TSC1: variants seen among roughly 807,000 people sequenced by gnomAD.
TSC1 encodes the protein TSC complex subunit 1.
Under a neutral mutation model 124.3 loss-of-function variants are expected in TSC1, and 20 were observed. The observed-to-expected ratio is 0.16, with a 90% CI of 0.11 to 0.23. The LOEUF (loss-of-function observed/expected upper bound fraction) is 0.23. TSC1 is among the 10% of genes least tolerant of loss of function. The pLI is 1.00. For synonymous variants in TSC1, 493 were observed against 539.1 expected (o/e 0.91, Z 1.19); for missense variants, 1,124 against 1,448.5 (o/e 0.78, Z 3.64).
chr9:132,940,533 T>C (rs74796888), intron 1 of TSC1, among the ~76,000 whole-genome samples: 2,135 of 152,314 alleles, frequency 0.014, 20 homozygotes, highest in Non-Finnish European at 0.022. Flanking sequence ...GGTCAGCAGA[T>C]GAAGCAGTTT....
chr9:132,921,694 G>T lies in TSC1; in HGVS notation c.663+125C>A. The stretch of plus-strand genomic sequence containing the variant: ...GATTAGTGGCTGCCTAGGGATTGGA[G>T]TGGCGAGGAAGAAAACTGAATTTCT... On this transcript the variant is annotated intron_variant, in intron 7 of 22. Transcript: ENST00000298552. This position sits in a 1 kb window ranked among gnomAD's most constrained non-coding sequence, Gnocchi z 4.3. The T allele has an allele frequency of 7.7e-7, 1 of 1,304,608 alleles. No individual in the cohort carries two copies. The highest frequency in any genetic ancestry group is 1.1e-6 in the Non-Finnish European group (1 of 911,774). 80.8% of individuals were successfully genotyped at this position (1,304,608 alleles called of 1,614,324 possible).
In TSC1 at chr9:132,921,682, C is replaced by G. The variant is rs1301990647; in HGVS notation, c.663+137G>C. ...AGACAGAAAACAGATTAGTGGCTGCCTAGGGATTGGAGTGGCGAGGAAGAA... is the reference window on the plus strand; with the variant it reads ...AGACAGAAAACAGATTAGTGGCTGCGTAGGGATTGGAGTGGCGAGGAAGAA... On this transcript the variant is annotated intron_variant, in intron 7 of 22. Transcript: ENST00000298552. This position sits in a 1 kb window ranked among gnomAD's most constrained non-coding sequence, Gnocchi z 4.3. 30 of 1,199,146 alleles carry G rather than the reference C, an allele frequency of 2.5e-5. No individual in the cohort carries two copies. Among genetic ancestry groups the G allele is most frequent in the Non-Finnish European group, 3.5e-5 (29 of 821,048 alleles). 74.3% of individuals were successfully genotyped at this position (1,199,146 alleles called of 1,614,324 possible).
chr9:132,939,319 G>T (rs1437320919), intron 1 of TSC1: 1 of 152,220 alleles, frequency 6.6e-6, no homozygotes, highest in Non-Finnish European at 1.5e-5. Context: ...TACTTACTAT[G>T]TGAGAGTAAA....
chr9:132,917,945 G>C (rs957743766), intron 8 of TSC1, among the ~76,000 whole-genome samples: 10 of 152,072 alleles, frequency 6.6e-5, no homozygotes, highest in African/African-American at 2.2e-4. Flanking sequence ...TTTTGTTCTA[G>C]CTCTCTTTTC....
In TSC1 at chr9:132,893,271, T is replaced by C. The variant is rs2131545485; in HGVS notation, c.*2964A>G. The C allele has an allele frequency of 4.3e-6, 1 of 233,332 alleles. No homozygotes were observed. Among genetic ancestry groups the C allele is most frequent in the Admixed American group, 5.6e-5 (1 of 17,808 alleles). The allele number at this position is 233,332 out of a possible 1,614,324, so 14.5% of individuals were successfully genotyped here. A position where few individuals can be genotyped will look rare whatever the true frequency, so the allele number is the denominator to read the frequency against. ...GCCTTAGTAATGCTGGTCCTAAAAC[T>C]CATCTCCAAGGACATCTTTCACAAC... On this transcript the variant is annotated 3_prime_UTR_variant, in exon 23 of 23. Coordinates refer to ENST00000298552, the MANE Select transcript of TSC1 (RefSeq NM_000368.5).
At chr9:132,928,269 C>T (rs1317976378) in intron 3 of TSC1, among the ~76,000 whole-genome samples, 2 of 152,006 alleles carry the variant, frequency 1.3e-5, no homozygotes, top group African/African-American at 2.4e-5. Flanking sequence ...TATAAATGGC[C>T]CAAATGGTAT....
intron 12 of TSC1, 162 bp downstream of exon 12, chr9:132,910,409 A>C: frequency 7.4e-7 from 1 of 1,360,314 alleles, no homozygotes; most frequent in Non-Finnish European, 1.0e-6. Flanking sequence ...TCGGCAGATC[A>C]CACCTTGAGA....
chr9:132,920,232 C>T (rs1846477387), intron 8 of TSC1, among the ~76,000 whole-genome samples: 1 of 152,204 alleles, frequency 6.6e-6, no homozygotes, highest in Non-Finnish European at 1.5e-5. Flanking sequence ...TCCTGGAAAC[C>T]TTCAACTACT....
rs1474055459 is a variant in TSC1 at position 132,894,628 on chromosome 9, G to A, written c.*1607C>T. ...ACAGGTTTTCTGCTGGTATAGCTAG[G>A]GTGACAGAGTCTCTAACTGTCTAGT... On this transcript the variant is annotated 3_prime_UTR_variant, in exon 23 of 23. Coordinates refer to ENST00000298552, the MANE Select transcript of TSC1 (RefSeq NM_000368.5). 4 of 224,298 alleles carry A rather than the reference G, an allele frequency of 1.8e-5. No homozygotes were observed. Among genetic ancestry groups the A allele is most frequent in the Non-Finnish European group, 3.5e-5 (4 of 112,888 alleles). 13.9% of individuals were successfully genotyped at this position (224,298 alleles called of 1,614,324 possible).
intron 8 of TSC1, among the ~76,000 whole-genome samples, chr9:132,919,940 G>C (rs1403041901): frequency 5.3e-5 from 8 of 152,220 alleles, no homozygotes; most frequent in Non-Finnish European, 1.5e-5. Context: ...TCCTCTGTCT[G>C]ATCAGCAGAG....
At chr9:132,938,936 A>G (rs1386429125) in intron 1 of TSC1, 3 of 152,226 alleles carry the variant, frequency 2.0e-5, no homozygotes, top group Non-Finnish European at 2.9e-5. Context: ...TTTGCCTAAG[A>G]TAATTTTGTA....
intron 2 of TSC1, among the ~76,000 whole-genome samples, chr9:132,930,290 C>G (rs1385283177): frequency 1.3e-5 from 2 of 151,956 alleles, no homozygotes; most frequent in Non-Finnish European, 1.5e-5. Context: ...TAAGCTGAGG[C>G]CGGATGTAGT....
chr9:132,913,863 G>T (rs1846106789), intron 8 of TSC1, among the ~76,000 whole-genome samples: 1 of 140,294 alleles, frequency 7.1e-6, no homozygotes, highest in Non-Finnish European at 1.5e-5. Context: ...CAATGTGCCA[G>T]CCTCCCATGG....
rs1226051590 is a variant in TSC1, at chr9:132,908,820, A to C, written c.1264-1450T>G. ...ATTACACCAAAATTTGATAAGTGTT[A>C]GTTTCTTAAAGTTACAAAGTGAAAT... On this transcript the variant is annotated intron_variant, in intron 12 of 22. Coordinates refer to ENST00000298552, the MANE Select transcript of TSC1 (RefSeq NM_000368.5). Among the ~76,000 whole-genome samples, 4 of 151,702 alleles carry C rather than the reference A, an allele frequency of 2.6e-5. No homozygotes were observed. In the East Asian group the frequency reaches 7.8e-4, roughly 29 times the overall value.
intron 1 of TSC1, among the ~76,000 whole-genome samples, chr9:132,939,903 T>G (rs755276691): frequency 1.3e-5 from 2 of 152,150 alleles, no homozygotes; most frequent in Non-Finnish European, 2.9e-5. Context: ...ATTGGATACT[T>G]TGGGGGTGGG....
intron 8 of TSC1, among the ~76,000 whole-genome samples, chr9:132,916,228 G>A (rs530759580): frequency 7.8e-4 from 119 of 151,866 alleles, no homozygotes; most frequent in African/African-American, 2.9e-3. Flanking sequence ...ACATCTAACG[G>A]CATCTGAGAT....
At chr9:132,931,682 C>A (rs995770876) in intron 2 of TSC1, among the ~76,000 whole-genome samples, 1 of 152,192 alleles carries the variant, frequency 6.6e-6, no homozygotes, top group Non-Finnish European at 1.5e-5. Flanking sequence ...CTTTTGGAAT[C>A]AGTCCCACAA....
chr9:132,939,238 G>C (rs1356014125), intron 1 of TSC1: 1 of 152,154 alleles, frequency 6.6e-6, no homozygotes, highest in Non-Finnish European at 1.5e-5. Context: ...ATCTAAAAAG[G>C]GTAAGATACT....
At chr9:132,912,520 G>C in intron 8 of TSC1, 63 bp from the exon 9 acceptor site, 2 of 1,595,244 alleles carry the variant, frequency 1.3e-6, no homozygotes, top group Non-Finnish European at 1.7e-6. Context: ...ATACTTCAGA[G>C]TGTCAACTCA....
Sources: allele counts gnomAD v4.1 joint callset (sites outside exome capture counted in the v4.1 genomes callset), GRCh38; gene constraint gnomAD v4.1.1; non-coding constraint Gnocchi (gnomAD v3.1); transcripts MANE v1.5; gene names NCBI Gene and HGNC (gene_info 2026-07-23, HGNC 2026-07-21).